The following HPF1 variants were observed in gnomAD, a reference collection of about 807,000 sequenced individuals.
HPF1 encodes the protein UPF0609 protein C4orf27.
A neutral mutation model predicts 38.8 loss-of-function variants in HPF1; 35 were observed. That is an observed-to-expected ratio of 0.90 (90% CI 0.69 to 1.19). The LOEUF (loss-of-function observed/expected upper bound fraction) is 1.19. Among genes scored for constraint, HPF1 ranks in the 50% most tolerant of loss-of-function variants. The pLI is 0.00. For missense variants in HPF1, 367 were observed against 405.8 expected (o/e 0.90, Z 0.82); for synonymous variants, 115 against 139.2 (o/e 0.83, Z 1.22).
rs557770436 is a variant in HPF1 at position 169,739,289 on chromosome 4, G to A, written c.649-1542C>T. ...AACTGATAAAATATATCTGCAAAATGTAATAGTAAATAAAAATTAATGTCT... is the reference window on the plus strand; with the variant it reads ...AACTGATAAAATATATCTGCAAAATATAATAGTAAATAAAAATTAATGTCT... On this transcript the variant is annotated intron_variant, in intron 5 of 7. Coordinates refer to ENST00000393381, the MANE Select transcript of HPF1 (RefSeq NM_017867.3). Among the ~76,000 whole-genome samples the A allele has an allele frequency of 9.9e-5, 15 of 152,162 alleles. 1 individual carries two copies. The highest frequency in any genetic ancestry group is 3.4e-4 in the African/African-American group (14 of 41,540).
chr4:169,737,284 C>T (rs1176889363), intron 6 of HPF1, among the ~76,000 whole-genome samples: 41 of 86,036 alleles, frequency 4.8e-4, no homozygotes, highest in African/African-American at 1.6e-3. Flanking sequence ...AGCAACACTC[C>T]GTCTCAAAAA....
chr4:169,736,366 AAAAAAAAAAAG>A (rs1196871599), intron 6 of HPF1, among the ~76,000 whole-genome samples: 1 of 149,692 alleles, frequency 6.7e-6, no homozygotes, highest in Non-Finnish European at 1.5e-5. Context: ...TCACAAAAAA[AAAAAAAAAAAG>A]AAGTAAAAAA....
At chr4:169,738,502 GAC>G (rs1308017223) in intron 5 of HPF1, among the ~76,000 whole-genome samples, 1 of 152,112 alleles carries the variant, frequency 6.6e-6, no homozygotes, top group African/African-American at 2.4e-5. Flanking sequence ...GCAGAGGAAG[GAC>G]ACAACCCAAA....
At chr4:169,733,502 A>G (rs1312240373) in intron 6 of HPF1, among the ~76,000 whole-genome samples, 1 of 152,220 alleles carries the variant, frequency 6.6e-6, no homozygotes, top group Non-Finnish European at 1.5e-5. Flanking sequence ...TGGTTAAAAC[A>G]TTAACAATTA....
At chr4:169,732,181 A>G (rs1419279603) in intron 6 of HPF1, among the ~76,000 whole-genome samples, 1 of 135,192 alleles carries the variant, frequency 7.4e-6, no homozygotes, top group East Asian at 2.1e-4. Flanking sequence ...TTGCTCTGTC[A>G]CCAGGCTGGA....
intron 4 of HPF1, among the ~76,000 whole-genome samples, chr4:169,746,890 T>C (rs116429570): frequency 1.8e-3 from 268 of 151,260 alleles, no homozygotes; most frequent in African/African-American, 6.2e-3. Flanking sequence ...CATTTTTTTT[T>C]TCTTTTTCAT....
chr4:169,732,419 G>C (rs1316326959), intron 6 of HPF1, among the ~76,000 whole-genome samples: 1 of 152,078 alleles, frequency 6.6e-6, no homozygotes. Context: ...GATTACAGGC[G>C]TGAGCCACTG....
chr4:169,738,564 A>C (rs1286155273), intron 5 of HPF1, among the ~76,000 whole-genome samples: 4 of 152,178 alleles, frequency 2.6e-5, no homozygotes, highest in African/African-American at 9.7e-5. Flanking sequence ...TATATCTTAA[A>C]GATTTTTTTC....
chr4:169,732,188 T>A (rs1560886091), intron 6 of HPF1, among the ~76,000 whole-genome samples: 1 of 147,948 alleles, frequency 6.8e-6, no homozygotes, highest in Non-Finnish European at 1.5e-5. Context: ...GTCACCAGGC[T>A]GGAAAGCAGT....
chr4:169,756,514 G>C (rs951934321), intron 1 of HPF1, among the ~76,000 whole-genome samples: 1 of 152,182 alleles, frequency 6.6e-6, no homozygotes, highest in African/African-American at 2.4e-5. Flanking sequence ...TTGCATAATA[G>C]TTAGGTTGCC....
rs1167972283 is a variant in HPF1, at chr4:169,743,417, T to G, written c.498-1310A>C. On this transcript the variant is annotated intron_variant, in intron 4 of 7. Coordinates refer to ENST00000393381, the MANE Select transcript of HPF1 (RefSeq NM_017867.3). ...GAGCCACTGCCCCTGGCCTTTTTTT[T>G]TTTTTTTTTTTTTTTTTCATTTTTA... 8.9e-5 allele frequency among the ~76,000 whole-genome samples: 13 copies of G among 146,790 alleles called. No homozygotes were observed. In the East Asian group the frequency reaches 2.4e-3, roughly 27 times the overall value.
chr4:169,736,394 C>T (rs1039832640), intron 6 of HPF1, among the ~76,000 whole-genome samples: 1 of 145,196 alleles, frequency 6.9e-6, no homozygotes, highest in African/African-American at 2.5e-5. Context: ...AAAATAAATA[C>T]GAGTTACAAA....
intron 6 of HPF1, 60 bp downstream of exon 6, chr4:169,737,600 G>T: frequency 1.8e-6 from 2 of 1,097,600 alleles, no homozygotes; most frequent in Non-Finnish European, 2.8e-6. Flanking sequence ...CCCAATATAA[G>T]CAAAACCTTT....
At chr4:169,753,913 C>T in intron 1 of HPF1, 78 bp from the exon 2 acceptor site, 2 of 1,103,120 alleles carry the variant, frequency 1.8e-6, no homozygotes, top group Non-Finnish European at 2.6e-6. Flanking sequence ...CACTCTTGTT[C>T]ACCCAACTCT....
chr4:169,739,466 C>T (rs1434608662), intron 5 of HPF1, among the ~76,000 whole-genome samples: 2 of 151,678 alleles, frequency 1.3e-5, no homozygotes, highest in Non-Finnish European at 1.5e-5. Context: ...AAGTATTTAA[C>T]GTCCTTTATA....
rs1581310829 is a variant in HPF1, at chr4:169,731,075, T to C, written c.909+629A>G. ...GGAAAGCTTGCCCGATCTTACACAC[T>C]GGGAAGATGTGATTTACAACCAGTT... On this transcript the variant is annotated intron_variant, in intron 7 of 7. Transcript: ENST00000393381. Among the ~76,000 whole-genome samples, 4 of 152,332 alleles carry C rather than the reference T, an allele frequency of 2.6e-5. No individual in the cohort carries two copies. In the East Asian group the frequency reaches 7.7e-4, roughly 29 times the overall value.
intron 6 of HPF1, among the ~76,000 whole-genome samples, chr4:169,734,367 G>T (rs1488492858): frequency 2.6e-5 from 4 of 152,114 alleles, no homozygotes; most frequent in Non-Finnish European, 5.9e-5. Context: ...TACAAATCAG[G>T]GTGGGTATGG....
intron 1 of HPF1, 39 bp downstream of exon 1, chr4:169,757,791 A>C (rs758040549): frequency 6.5e-7 from 1 of 1,537,502 alleles, no homozygotes; most frequent in Non-Finnish European, 8.7e-7. Context: ...CTGTCACCCA[A>C]AGCGCCCCGC....
chr4:169,748,431 C>T (rs896456096), intron 4 of HPF1, among the ~76,000 whole-genome samples: 3 of 151,670 alleles, frequency 2.0e-5, no homozygotes, highest in Non-Finnish European at 2.9e-5. Context: ...AATGCAGTGG[C>T]GCAATCTCGG....
Sources: allele counts gnomAD v4.1 joint callset (sites outside exome capture counted in the v4.1 genomes callset), GRCh38; gene constraint gnomAD v4.1.1; transcripts MANE v1.5; gene names NCBI Gene and HGNC (gene_info 2026-07-23, HGNC 2026-07-21).